The following PCM1 variants were observed in gnomAD, a reference collection of about 807,000 sequenced individuals.
PCM1 encodes the protein pericentriolar material 1, also known as pericentriolar material 1 protein.
In PCM1, 157 loss-of-function variants were observed where a neutral mutation model predicts 241.9. The ratio of observed to expected loss-of-function variants is 0.65; its 90% CI spans 0.57 to 0.74. PCM1 has a LOEUF of 0.74. PCM1 is among the 30% of genes least tolerant of loss of function. PCM1 has a pLI of 0.00. For missense variants in PCM1, 3,478 were observed against 2,360.1 expected (o/e 1.47, Z -9.81); for synonymous variants, 1,085 against 784.9 (o/e 1.38, Z -6.39).
At chr8:17,998,897 C>G (rs894722872) in intron 29 of PCM1, among the ~76,000 whole-genome samples, 8 of 152,294 alleles carry the variant, frequency 5.3e-5, no homozygotes, top group Admixed American at 5.2e-4. Context: ...CCACTTTTAC[C>G]TCTGCTTTCC....
intron 24 of PCM1, chr8:17,983,151 A>G (rs1427863357): frequency 7.3e-6 from 4 of 546,288 alleles, no homozygotes; most frequent in Non-Finnish European, 1.1e-5. Flanking sequence ...TCTTTTTTTC[A>G]TTCACTTATT....
intron 36 of PCM1, among the ~76,000 whole-genome samples, chr8:18,018,874 A>ATGTGTG (rs2093499506): frequency 3.0e-5 from 1 of 32,922 alleles, no homozygotes; most frequent in Non-Finnish European, 9.8e-5. Context: ...ATATATATAT[A>ATGTGTG]TATATACACA....
intron 31 of PCM1, 140 bp downstream of exon 31, chr8:18,009,884 T>C (rs1050359973): frequency 1.8e-5 from 9 of 492,852 alleles, no homozygotes; most frequent in African/African-American, 1.8e-4. Context: ...TATAAGTCAT[T>C]ACATATGCTA....
At chr8:18,001,449 C>T (rs2089391857) in intron 29 of PCM1, among the ~76,000 whole-genome samples, 2 of 152,066 alleles carry the variant, frequency 1.3e-5, no homozygotes, top group African/African-American at 2.4e-5. Flanking sequence ...TTTATATTCC[C>T]ATCAACATTG....
At chr8:17,983,264 CAG>C in intron 24 of PCM1, 1 of 1,325,124 alleles carries the variant, frequency 7.5e-7, no homozygotes. Flanking sequence ...AGCAGTCTAA[CAG>C]AAATGCATGC....
chr8:17,945,043 A>G (rs1256680834), intron 6 of PCM1, among the ~76,000 whole-genome samples: 3 of 152,072 alleles, frequency 2.0e-5, no homozygotes, highest in South Asian at 2.1e-4. Context: ...ATCAACCTAG[A>G]GAGATTTTGT....
chr8:17,925,064 T>C (rs963900893), intron 2 of PCM1: 5 of 152,254 alleles, frequency 3.3e-5, no homozygotes, highest in African/African-American at 1.2e-4. Flanking sequence ...TTTTTCAACC[T>C]GTTTGAATTT....
At chr8:17,964,282 C>A (rs983982015) in intron 17 of PCM1, among the ~76,000 whole-genome samples, 3 of 152,076 alleles carry the variant, frequency 2.0e-5, no homozygotes, top group Non-Finnish European at 4.4e-5. Context: ...TTGAAAACTC[C>A]CTCAAGCAAA....
rs368972764 is a variant in PCM1, at chr8:18,001,684, G to A, written c.4828-4579G>A. ...TACAAAATACATTGTCACTGGGCTAGTTTCTTATATTGTACTCATACTTTT... is the reference window on the plus strand; with the variant it reads ...TACAAAATACATTGTCACTGGGCTAATTTCTTATATTGTACTCATACTTTT... On this transcript the variant is annotated intron_variant, in intron 29 of 38. Coordinates refer to ENST00000325083, the MANE Select transcript of PCM1 (RefSeq NM_006197.4). Among the ~76,000 whole-genome samples, 223 of 152,296 alleles carry A rather than the reference G, an allele frequency of 1.5e-3. 2 individuals are homozygous for A. The highest frequency in any genetic ancestry group is 5.0e-3 in the African/African-American group (208 of 41,566).
At chr8:17,938,428 A>T (rs555649459) in intron 4 of PCM1, among the ~76,000 whole-genome samples, 1 of 152,196 alleles carries the variant, frequency 6.6e-6, no homozygotes, top group Non-Finnish European at 1.5e-5. Context: ...AAAAAAAATG[A>T]AACTCCTAAC....
chr8:17,938,201 A>G (rs1195013221), intron 4 of PCM1, among the ~76,000 whole-genome samples: 1 of 152,178 alleles, frequency 6.6e-6, no homozygotes, highest in African/African-American at 2.4e-5. Flanking sequence ...TTAAGTGCCA[A>G]CATGAGTGGA....
chr8:18,025,186 C>A, intron 36 of PCM1, 175 bp from the exon 37 acceptor site: 1 of 126,372 alleles, frequency 7.9e-6, no homozygotes, highest in Non-Finnish European at 1.4e-5. Context: ...CAGTATGTTT[C>A]ACAGCTGTGA....
At chr8:17,928,275 GTC>G (rs1387836610) in intron 2 of PCM1, among the ~76,000 whole-genome samples, 2 of 152,304 alleles carry the variant, frequency 1.3e-5, no homozygotes, top group African/African-American at 2.4e-5. Context: ...TGAGTGAATA[GTC>G]TCTCGTTTCC....
At chr8:17,956,172 A>G (rs1040020970) in intron 10 of PCM1, among the ~76,000 whole-genome samples, 3 of 152,158 alleles carry the variant, frequency 2.0e-5, no homozygotes, top group African/African-American at 7.2e-5. Flanking sequence ...TATGTAGTGT[A>G]TAGATCTCAT....
At chr8:17,987,452 T>C (rs1286744688) in intron 26 of PCM1, among the ~76,000 whole-genome samples, 1 of 151,836 alleles carries the variant, frequency 6.6e-6, no homozygotes, top group African/African-American at 2.4e-5. Flanking sequence ...TGGAGCACAT[T>C]GGTTTGCACC....
chr8:17,927,048 A>G (rs923681280), intron 2 of PCM1: 1 of 152,014 alleles, frequency 6.6e-6, no homozygotes, highest in East Asian at 1.9e-4. Flanking sequence ...CATATCTTGG[A>G]TATTTTCAGA....
At chr8:17,954,426 T>C (rs1262423936) in intron 9 of PCM1, among the ~76,000 whole-genome samples, 6 of 102,140 alleles carry the variant, frequency 5.9e-5, no homozygotes, top group African/African-American at 9.1e-5. Context: ...AAACTCCATC[T>C]CAAAAAAAAA....
At position 17,961,699 on chromosome 8, in the gene PCM1, C is replaced by G. The variant is rs115469921; in HGVS notation, c.2323-335C>G. ...TTCATTTTCTAAACCCTTGCCTTTC[C>G]TACTGTATCTAATCCTTTTTCTCTC... On this transcript the variant is annotated intron_variant, in intron 15 of 38. Coordinates refer to ENST00000325083, the MANE Select transcript of PCM1 (RefSeq NM_006197.4). Among the ~76,000 whole-genome samples the G allele has an allele frequency of 5.4e-3, 815 of 152,252 alleles. 4 individuals carry two copies. The highest frequency in any genetic ancestry group is 0.017 in the African/African-American group (700 of 41,572).
chr8:17,939,458 A>G (rs1207012264), intron 5 of PCM1, among the ~76,000 whole-genome samples: 4 of 152,138 alleles, frequency 2.6e-5, no homozygotes, highest in Non-Finnish European at 4.4e-5. Flanking sequence ...AAAATTTTGA[A>G]ATGTATTTTT....
Sources: allele counts gnomAD v4.1 joint callset (sites outside exome capture counted in the v4.1 genomes callset), GRCh38; gene constraint gnomAD v4.1.1; transcripts MANE v1.5; gene names NCBI Gene and HGNC (gene_info 2026-07-23, HGNC 2026-07-21).